Variants in TUSC3 observed in about 807,000 individuals in gnomAD.
TUSC3 encodes dolichyl-diphosphooligosaccharide--protein glycosyltransferase subunit TUSC3.
A neutral mutation model predicts 44.8 loss-of-function variants in TUSC3; 45 were observed. That is an observed-to-expected ratio of 1.00 (90% CI 0.79 to 1.29). The LOEUF (loss-of-function observed/expected upper bound fraction) is 1.29, where lower values mean the gene tolerates loss of function less well. Among genes scored for constraint, TUSC3 ranks in the 50% most tolerant of loss-of-function variants. The probability of loss-of-function intolerance (pLI) is 0.00; values close to 1 mark genes in which losing one functional copy is unlikely to be tolerated. For synonymous variants in TUSC3, 212 were observed against 152.9 expected, an observed-to-expected ratio of 1.39 and a Z score of -2.85; for missense variants, 519 against 437.9, an observed-to-expected ratio of 1.19 and a Z score of -1.65.
chr8:15,628,684 G>C (rs555816011), intron 2 of TUSC3, among the ~76,000 whole-genome samples: 10 of 152,312 alleles, frequency 6.6e-5, no homozygotes, highest in African/African-American at 2.4e-4. Context: ...AATGGAAATG[G>C]AAAGGCTTAA....
At chr8:15,601,381 A>G (rs148478787) in intron 1 of TUSC3, among the ~76,000 whole-genome samples, 1 of 151,840 alleles carries the variant, frequency 6.6e-6, no homozygotes, top group African/African-American at 2.4e-5. Flanking sequence ...CAACGGGTTT[A>G]TAGTTTGAAT....
intron 1 of TUSC3, among the ~76,000 whole-genome samples, chr8:15,589,834 A>G (rs1412086518): frequency 6.6e-6 from 1 of 152,236 alleles, no homozygotes. Context: ...AGCCATGAAC[A>G]AAATTCTGAT....
At position 15,748,363 on chromosome 8, in the gene TUSC3, G is replaced by C. The variant is rs762105504; in HGVS notation, c.938-12G>C. Reference sequence around the variant, plus strand: ...TTTTTAGACACTAATGGTATTTTCTGTCTGTTTCTAGTAATTTGCCTAGTG... The same window carrying C: ...TTTTTAGACACTAATGGTATTTTCTCTCTGTTTCTAGTAATTTGCCTAGTG... On this transcript the variant is annotated splice_polypyrimidine_tract_variant and intron_variant, in intron 8 of 10. Transcript: ENST00000503731. 3.4e-5 allele frequency: 54 copies of C among 1,601,666 alleles called. No individual in the cohort carries two copies. The highest frequency in any genetic ancestry group is 4.3e-5 in the Non-Finnish European group (50 of 1,168,966).
At chr8:15,625,400 T>C (rs983063608) in intron 2 of TUSC3, among the ~76,000 whole-genome samples, 4 of 152,184 alleles carry the variant, frequency 2.6e-5, no homozygotes, top group African/African-American at 7.2e-5. Flanking sequence ...TTGGGAAATA[T>C]TGTATAAAAT....
At chr8:15,707,152 G>C (rs1809651877) in intron 6 of TUSC3, among the ~76,000 whole-genome samples, 1 of 151,972 alleles carries the variant, frequency 6.6e-6, no homozygotes, top group Non-Finnish European at 1.5e-5. Context: ...GTATATTTGA[G>C]AGTTAGTCAC....
At chr8:15,531,698 A>G (rs1801452126) in intron 2 of TUSC3, among the ~76,000 whole-genome samples, 1 of 152,244 alleles carries the variant, frequency 6.6e-6, no homozygotes, top group African/African-American at 2.4e-5. Flanking sequence ...AATTTGCCAC[A>G]GGTAACTCAG....
chr8:15,551,918 T>G (rs965471158), intron 1 of TUSC3, among the ~76,000 whole-genome samples: 1 of 151,726 alleles, frequency 6.6e-6, no homozygotes, highest in African/African-American at 2.4e-5. Context: ...TTCACAGGGT[T>G]CCATCATGAC....
chr8:15,704,892 T>G (rs966872888), intron 6 of TUSC3, among the ~76,000 whole-genome samples: 7 of 151,996 alleles, frequency 4.6e-5, no homozygotes, highest in Non-Finnish European at 1.0e-4. Flanking sequence ...CATAACAAGT[T>G]AATCACAAAA....
At chr8:15,481,654 C>A (rs1800662705) in intron 1 of TUSC3, among the ~76,000 whole-genome samples, 2 of 152,104 alleles carry the variant, frequency 1.3e-5, no homozygotes, top group South Asian at 4.1e-4. Context: ...AGTTAAGTTA[C>A]AATGTACTTT....
chr8:15,664,368 A>C (rs1453463762), intron 5 of TUSC3, among the ~76,000 whole-genome samples: 1 of 151,402 alleles, frequency 6.6e-6, no homozygotes, highest in Non-Finnish European at 1.5e-5. Context: ...GAAGAACTTT[A>C]TATGATGTAT....
intron 1 of TUSC3, among the ~76,000 whole-genome samples, chr8:15,443,339 TGTGTG>T (rs1563252076): frequency 3.0e-4 from 10 of 33,160 alleles, no homozygotes; most frequent in African/African-American, 1.0e-3. Flanking sequence ...CACCTAATTG[TGTGTG>T]TGTGTGTGTG....
intron 2 of TUSC3, among the ~76,000 whole-genome samples, chr8:15,508,605 G>A (rs138911843): frequency 0.016 from 2,422 of 151,880 alleles, 37 homozygotes; most frequent in East Asian, 0.067. Flanking sequence ...GGGACTACAG[G>A]CGCCTGCCAC....
At chr8:15,768,593 AAAG>A (rs1235159767), downstream of TUSC3, among the ~76,000 whole-genome samples, 2 of 152,152 alleles carry the variant, frequency 1.3e-5, no homozygotes, top group East Asian at 3.9e-4. Context: ...ATCATTAAAT[AAAG>A]AATATCAGTA....
the TUSC3 span, among the ~76,000 whole-genome samples, chr8:15,801,743 G>A: frequency 0.048 from 7,315 of 152,172 alleles, 202 homozygotes; most frequent in African/African-American, 0.073. Context: ...GCTCAGAGGG[G>A]TTCTAGAGCT....
chr8:15,647,727 C>G lies in TUSC3; in HGVS notation c.309-2970C>G, dbSNP rs372240326. On this transcript the variant is annotated intron_variant, in intron 2 of 10. Transcript: ENST00000503731. ...AGGTAATTTTCTGAGAATTTGGGGT[C>G]TAATTTCAGATTCCTTACATTTCCA... Among the ~76,000 whole-genome samples the G allele has an allele frequency of 1.7e-4, 26 of 152,248 alleles. No homozygotes were observed. The East Asian group carries it at 3.9e-3, about 23-fold the overall frequency.
Position 15,705,534 on chromosome 8 carries a change from A to G in TUSC3, c.799-25132A>G, listed in dbSNP as rs1304309600. On this transcript the variant is annotated intron_variant, in intron 6 of 10. Transcript: ENST00000503731. ...TGTATATAACCAATTTTGGTGGGTA[A>G]TATGTCAGAGCTACAAGACTTACCT... Among the ~76,000 whole-genome samples, 3 of 152,212 alleles carry G rather than the reference A, an allele frequency of 2.0e-5. No individual in the cohort carries two copies. The East Asian group carries it at 5.8e-4, about 29-fold the overall frequency.
the TUSC3 span, among the ~76,000 whole-genome samples, chr8:15,811,386 A>G: frequency 1.3e-5 from 2 of 152,182 alleles, no homozygotes; most frequent in African/African-American, 2.4e-5. Flanking sequence ...AAATTCCTTC[A>G]CGATCATAAG....
intron 10 of TUSC3, 100 bp downstream of exon 10, chr8:15,757,955 T>G: frequency 6.6e-7 from 1 of 1,513,274 alleles, no homozygotes; most frequent in Non-Finnish European, 8.9e-7. Context: ...AAATTACTGT[T>G]TTACAAATGT....
At chr8:15,521,622 A>G (rs1162221110) in intron 2 of TUSC3, among the ~76,000 whole-genome samples, 1 of 151,998 alleles carries the variant, frequency 6.6e-6, no homozygotes, top group African/African-American at 2.4e-5. Context: ...ACCCCCCCCA[A>G]AAAAAGGTAC....
Sources: gnomAD v4.1 joint callset for allele counts (sites outside exome capture counted in the v4.1 genomes callset) on GRCh38, gnomAD v4.1.1 for gene constraint, MANE v1.5 for transcripts, NCBI Gene and HGNC (gene_info 2026-07-23, HGNC 2026-07-21) for gene names.